The following PARVA variants were observed in gnomAD, a reference collection of about 807,000 sequenced individuals.
PARVA encodes the protein alpha-parvin.
Under a neutral mutation model 52.6 loss-of-function variants are expected in PARVA, and 25 were observed. The observed-to-expected ratio is 0.48, with a 90% CI of 0.35 to 0.66. The LOEUF (loss-of-function observed/expected upper bound fraction) is 0.66. Among genes scored for constraint, PARVA ranks in the 30% least tolerant of loss-of-function variants. The pLI, the probability that PARVA is intolerant of heterozygous loss-of-function variation, is 0.01. For missense variants in PARVA, 373 were observed against 450.9 expected, an observed-to-expected ratio of 0.83 and a Z score of 1.56; for synonymous variants, 185 against 179.1, an observed-to-expected ratio of 1.03 and a Z score of -0.26.
intron 1 of PARVA, among the ~76,000 whole-genome samples, chr11:12,397,337 A>G (rs80340740): frequency 0.089 from 13,493 of 152,246 alleles, 731 homozygotes; most frequent in African/African-American, 0.14. Flanking sequence ...AGCTGGGGCT[A>G]CAGGCATGAG....
intron 1 of PARVA, among the ~76,000 whole-genome samples, chr11:12,462,031 A>G (rs564605384): frequency 1.2e-4 from 18 of 152,278 alleles, no homozygotes; most frequent in African/African-American, 4.3e-4. Flanking sequence ...TAAATGTAGT[A>G]AAACTTCTCT....
intron 1 of PARVA, among the ~76,000 whole-genome samples, chr11:12,405,981 A>T (rs952041545): frequency 6.6e-6 from 1 of 152,206 alleles, no homozygotes; most frequent in Non-Finnish European, 1.5e-5. Flanking sequence ...GAATCATACT[A>T]TATGTTCAAT....
chr11:12,395,813 G>C (rs1394708658), intron 1 of PARVA, among the ~76,000 whole-genome samples: 1 of 152,166 alleles, frequency 6.6e-6, no homozygotes, highest in Admixed American at 6.5e-5. Flanking sequence ...CTGGCATTTG[G>C]AGATGGTATT....
intron 1 of PARVA, among the ~76,000 whole-genome samples, chr11:12,458,840 G>A (rs941449682): frequency 2.0e-5 from 3 of 152,166 alleles, no homozygotes; most frequent in African/African-American, 7.2e-5. Context: ...TGGGAAAGTC[G>A]CCTTGAGACA....
intron 12 of PARVA, among the ~76,000 whole-genome samples, chr11:12,524,697 G>A: frequency 6.6e-6 from 1 of 152,180 alleles, no homozygotes; most frequent in East Asian, 1.9e-4. Context: ...GGAGCGCGTG[G>A]CCCTCTTGTC....
Position 12,477,924 on chromosome 11 carries a change from T to C in PARVA, c.375T>C (p.Asp125=). 6.2e-7 allele frequency: 1 copy of C among 1,607,698 alleles called. No homozygotes were observed. ...AAGACCTAGCTGAAGATTTGTATGA[T>C]GGACAAGTCCTGCAGAAGCTTTTCG... ...IVKDLAEDLY[D]GQVLQKLFEK... Residue 125 remains aspartate (D), a synonymous_variant, in exon 4 of 13, where the codon GAT becomes GAC. Coordinates refer to ENST00000334956, the MANE Select transcript of PARVA (RefSeq NM_018222.5).
Position 12,472,283 on chromosome 11 carries a change from G to A in PARVA, c.137-1462G>A, listed in dbSNP as rs149734347. Among the ~76,000 whole-genome samples, 2 of 152,298 alleles carry A rather than the reference G, an allele frequency of 1.3e-5. 1 individual carries two copies. The highest frequency in any genetic ancestry group is 4.8e-5 in the African/African-American group (2 of 41,562). On this transcript the variant is annotated intron_variant, in intron 1 of 12. Transcript: ENST00000334956. ...AAGAAAGTTTATGAATTTGTGTTGG[G>A]CTGCATTCAAAGCCATCCTGGACCA...
chr11:12,432,759 G>A (rs986363526), intron 1 of PARVA, among the ~76,000 whole-genome samples: 2 of 152,204 alleles, frequency 1.3e-5, no homozygotes, highest in African/African-American at 4.8e-5. Context: ...TTTAAAAAGT[G>A]GAGAGCTGTT....
chr11:12,490,871 T>C (rs184398462), intron 4 of PARVA, among the ~76,000 whole-genome samples: 2 of 152,298 alleles, frequency 1.3e-5, no homozygotes, highest in East Asian at 3.9e-4. Context: ...AAGATACCAA[T>C]TAGCTTAAGA....
intron 5 of PARVA, among the ~76,000 whole-genome samples, chr11:12,499,165 A>T (rs1441839675): frequency 1.3e-5 from 2 of 152,178 alleles, no homozygotes; most frequent in Admixed American, 6.5e-5. Context: ...TTACTAGGTC[A>T]GAGGGAATAA....
chr11:12,459,225 A>G (rs1406856632), intron 1 of PARVA, among the ~76,000 whole-genome samples: 2 of 150,838 alleles, frequency 1.3e-5, no homozygotes, highest in East Asian at 3.9e-4. Flanking sequence ...AACATGGTGA[A>G]ACCCTGTCTC....
upstream of PARVA, chr11:12,377,207 A>G: frequency 3.2e-6 from 1 of 314,232 alleles, no homozygotes; most frequent in Non-Finnish European, 5.7e-6. Context: ...GCTGGGGCAG[A>G]GCGAGCTCAC....
Position 12,532,259 on chromosome 11 carries a change from G to GA in PARVA, c.*4343dup, listed in dbSNP as rs1349925655. Among the ~76,000 whole-genome samples the GA allele has an allele frequency of 2.6e-5, 4 of 151,162 alleles. No homozygotes were observed. The highest frequency in any genetic ancestry group is 2.1e-4 in the South Asian group (1 of 4,762). ...TACAGGATATTAGTAAATGTTAGAT[G>GA]AAAAAAAAAGTCACGTTTAAATATG... On this transcript the variant is annotated 3_prime_UTR_variant, in exon 13 of 13. Coordinates refer to ENST00000334956, the MANE Select transcript of PARVA (RefSeq NM_018222.5).
intron 1 of PARVA, among the ~76,000 whole-genome samples, chr11:12,417,192 A>C (rs1438832124): frequency 6.6e-6 from 1 of 152,224 alleles, no homozygotes; most frequent in Non-Finnish European, 1.5e-5. Context: ...TTTATTCTTA[A>C]TAAATAGTTG....
intron 1 of PARVA, among the ~76,000 whole-genome samples, chr11:12,391,171 G>C (rs933695138): frequency 1.3e-5 from 2 of 152,188 alleles, no homozygotes; most frequent in African/African-American, 4.8e-5. Flanking sequence ...GGAGTGATGG[G>C]CACCCAGATT....
chr11:12,413,070 T>G (rs1210622790), intron 1 of PARVA, among the ~76,000 whole-genome samples: 2 of 152,232 alleles, frequency 1.3e-5, no homozygotes, highest in Non-Finnish European at 2.9e-5. Flanking sequence ...GGGTGCCAAC[T>G]CTGTGCCAGG....
At chr11:12,402,153 G>T (rs1048509093) in intron 1 of PARVA, among the ~76,000 whole-genome samples, 1 of 152,158 alleles carries the variant, frequency 6.6e-6, no homozygotes, top group Non-Finnish European at 1.5e-5. Context: ...CAATGAGGGC[G>T]AAGTGCCCCA....
At chr11:12,484,864 G>C (rs1216189172) in intron 4 of PARVA, among the ~76,000 whole-genome samples, 3 of 144,230 alleles carry the variant, frequency 2.1e-5, no homozygotes, top group African/African-American at 7.6e-5. Context: ...CTAGGCTGGA[G>C]TGCAGTGGCA....
At chr11:12,495,955 G>A (rs1019839119) in intron 4 of PARVA, among the ~76,000 whole-genome samples, 1 of 152,150 alleles carries the variant, frequency 6.6e-6, no homozygotes, top group African/African-American at 2.4e-5. Flanking sequence ...TGAAAAATAT[G>A]TGCCTTAGAA....
Sources: allele counts gnomAD v4.1 joint callset (sites outside exome capture counted in the v4.1 genomes callset), GRCh38; gene constraint gnomAD v4.1.1; transcripts MANE v1.5; gene names NCBI Gene and HGNC (gene_info 2026-07-23, HGNC 2026-07-21).